The following LRRIQ3 variants were observed in gnomAD, a reference collection of about 807,000 sequenced individuals.
LRRIQ3 encodes leucine rich repeats and IQ motif containing 3, also known as leucine-rich repeat and IQ domain-containing protein 3.
A neutral mutation model predicts 59.3 loss-of-function variants in LRRIQ3; 75 were observed. The ratio of observed to expected loss-of-function variants is 1.26; its 90% CI spans 1.05 to 1.53. LRRIQ3 has a LOEUF of 1.53. LRRIQ3 is among the 40% of genes most tolerant of loss of function. The pLI is 0.00. For missense variants in LRRIQ3, 831 were observed against 710.0 expected, an observed-to-expected ratio of 1.17 and a Z score of -1.94; for synonymous variants, 250 against 231.3, an observed-to-expected ratio of 1.08 and a Z score of -0.73.
chr1:74,133,174 A>C (rs1372208850), intron 4 of LRRIQ3, among the ~76,000 whole-genome samples: 1 of 152,140 alleles, frequency 6.6e-6, no homozygotes, highest in Non-Finnish European at 1.5e-5. Context: ...ACCACCTCAC[A>C]CCAGTTAGAA....
intron 6 of LRRIQ3, among the ~76,000 whole-genome samples, chr1:74,056,805 A>G (rs564728344): frequency 2.0e-5 from 3 of 152,242 alleles, no homozygotes; most frequent in East Asian, 1.9e-4. Context: ...TGTGTCCCCA[A>G]CCAAGTCTCA....
chr1:74,054,530 T>C (rs1654464312), intron 6 of LRRIQ3, among the ~76,000 whole-genome samples: 1 of 152,028 alleles, frequency 6.6e-6, no homozygotes, highest in Admixed American at 6.6e-5. Context: ...AATTATGATC[T>C]TTTGCAGATA....
rs541558559 is a variant in LRRIQ3 at position 74,100,024 on chromosome 1, C to G, written c.867+9370G>C. On this transcript the variant is annotated intron_variant, in intron 5 of 7. Coordinates refer to ENST00000354431, the MANE Select transcript of LRRIQ3 (RefSeq NM_001105659.2). ...GACAGGGATGCCCTCTCTCACCACTCCTATTCAACATAGTGTTGGAAGTTC... is the reference window on the plus strand; with the variant it reads ...GACAGGGATGCCCTCTCTCACCACTGCTATTCAACATAGTGTTGGAAGTTC... Among the ~76,000 whole-genome samples the G allele has an allele frequency of 2.5e-3, 385 of 152,216 alleles. 2 individuals are homozygous for G. The highest frequency in any genetic ancestry group is 8.9e-3 in the African/African-American group (369 of 41,536).
At chr1:74,062,410 G>T (rs1654745909) in intron 6 of LRRIQ3, among the ~76,000 whole-genome samples, 1 of 152,102 alleles carries the variant, frequency 6.6e-6, no homozygotes, top group African/African-American at 2.4e-5. Flanking sequence ...AACGACAGAT[G>T]CTGCCAAGGT....
At chr1:74,115,572 A>C (rs916076320) in intron 4 of LRRIQ3, among the ~76,000 whole-genome samples, 5 of 152,096 alleles carry the variant, frequency 3.3e-5, no homozygotes, top group Admixed American at 3.3e-4. Flanking sequence ...TGCCTTCAAT[A>C]AGTAAGTGGC....
chr1:74,138,235 G>C (rs768361838), intron 4 of LRRIQ3, among the ~76,000 whole-genome samples: 1 of 151,368 alleles, frequency 6.6e-6, no homozygotes, highest in African/African-American at 2.4e-5. Flanking sequence ...ATGATTACAA[G>C]TATGGGGTAG....
chr1:74,074,544 T>C (rs1426316187), intron 6 of LRRIQ3, 117 bp downstream of exon 6: 8 of 399,930 alleles, frequency 2.0e-5, no homozygotes, highest in Non-Finnish European at 3.3e-5. Context: ...TCTCAACATA[T>C]ATTTCATAGA....
At chr1:74,045,144 C>T (rs2100399364) in intron 6 of LRRIQ3, among the ~76,000 whole-genome samples, 1 of 152,178 alleles carries the variant, frequency 6.6e-6, no homozygotes, top group East Asian at 1.9e-4. Flanking sequence ...CAAGACCTGG[C>T]ACAGACACAA....
At chr1:74,044,073 T>C (rs950110193) in intron 6 of LRRIQ3, among the ~76,000 whole-genome samples, 4 of 152,184 alleles carry the variant, frequency 2.6e-5, no homozygotes, top group Non-Finnish European at 4.4e-5. Context: ...GAATTAATCA[T>C]ATTCCACTTA....
rs539489266 is a variant in LRRIQ3, at chr1:74,128,571, T to C, written c.708-19018A>G. Among the ~76,000 whole-genome samples, 4 of 152,246 alleles carry C rather than the reference T, an allele frequency of 2.6e-5. No individual in the cohort carries two copies. The East Asian group carries it at 7.8e-4, about 30-fold the overall frequency. Reference sequence around the variant, plus strand: ...AATCATCTGTCTGAAAGTTCACATATGTCTCTCTCAACAGGATTAGTCCCT... The same window carrying C: ...AATCATCTGTCTGAAAGTTCACATACGTCTCTCTCAACAGGATTAGTCCCT... On this transcript the variant is annotated intron_variant, in intron 4 of 7. Coordinates refer to ENST00000354431, the MANE Select transcript of LRRIQ3 (RefSeq NM_001105659.2).
intron 6 of LRRIQ3, among the ~76,000 whole-genome samples, chr1:74,072,419 T>G (rs1655052313): frequency 6.6e-6 from 1 of 152,070 alleles, no homozygotes; most frequent in Non-Finnish European, 1.5e-5. Flanking sequence ...TATCAACTAA[T>G]TTAAGGACCA....
intron 6 of LRRIQ3, among the ~76,000 whole-genome samples, chr1:74,053,112 G>A (rs1411461391): frequency 1.5e-5 from 2 of 132,592 alleles, no homozygotes; most frequent in African/African-American, 5.6e-5. Flanking sequence ...AAGAGCAAAG[G>A]CAAAACAATG....
chr1:74,116,320 A>G (rs1646776521), intron 4 of LRRIQ3, among the ~76,000 whole-genome samples: 1 of 152,070 alleles, frequency 6.6e-6, no homozygotes, highest in Non-Finnish European at 1.5e-5. Context: ...ATATGAGGTC[A>G]TGTATTAAAG....
chr1:74,197,074 A>G (rs1240501085), intron 1 of LRRIQ3, among the ~76,000 whole-genome samples: 4 of 152,200 alleles, frequency 2.6e-5, no homozygotes, highest in Non-Finnish European at 4.4e-5. Context: ...ATGTTCTTCA[A>G]TAAGATACTG....
intron 4 of LRRIQ3, among the ~76,000 whole-genome samples, chr1:74,118,167 A>T (rs2100579884): frequency 6.6e-6 from 1 of 152,284 alleles, no homozygotes; most frequent in Non-Finnish European, 1.5e-5. Flanking sequence ...ACACATTTTT[A>T]AAATTGTATA....
intron 4 of LRRIQ3, among the ~76,000 whole-genome samples, chr1:74,145,811 T>C (rs887739887): frequency 3.9e-5 from 6 of 152,208 alleles, no homozygotes; most frequent in South Asian, 2.1e-4. Context: ...ATCATATCTA[T>C]GAAGTAATTA....
chr1:74,139,845 T>A (rs1258208990), intron 4 of LRRIQ3, among the ~76,000 whole-genome samples: 1 of 151,210 alleles, frequency 6.6e-6, no homozygotes, highest in Non-Finnish European at 1.5e-5. Context: ...AGAAGAAGAG[T>A]AAAGGTACTA....
At chr1:74,167,463 CAT>C (rs778785285) in intron 3 of LRRIQ3, among the ~76,000 whole-genome samples, 23 of 151,894 alleles carry the variant, frequency 1.5e-4, no homozygotes, top group Admixed American at 1.1e-3. Context: ...CACCGTGACA[CAT>C]GTTTAACTAT....
intron 1 of LRRIQ3, among the ~76,000 whole-genome samples, chr1:74,190,490 A>G (rs576525725): frequency 1.3e-5 from 2 of 151,918 alleles, no homozygotes; most frequent in South Asian, 4.2e-4. Context: ...AAAAAGACTG[A>G]AAAAAAACAT....
Sources: allele counts gnomAD v4.1 joint callset (sites outside exome capture counted in the v4.1 genomes callset), GRCh38; gene constraint gnomAD v4.1.1; transcripts MANE v1.5; gene names NCBI Gene and HGNC (gene_info 2026-07-23, HGNC 2026-07-21).